The following SIAH1 variants were observed in gnomAD, a reference collection of about 807,000 sequenced individuals.
SIAH1 encodes siah E3 ubiquitin protein ligase 1, also known as E3 ubiquitin-protein ligase SIAH1.
SIAH1 carries 2 observed loss-of-function variants against 20.0 expected under a neutral mutation model. That is an observed-to-expected ratio of 0.10 (90% CI 0.04 to 0.31). The LOEUF (loss-of-function observed/expected upper bound fraction) is 0.31. Among genes scored for constraint, SIAH1 ranks in the 10% least tolerant of loss-of-function variants. The probability of loss-of-function intolerance (pLI) is 1.00; values close to 1 mark genes in which losing one functional copy is unlikely to be tolerated. For missense variants in SIAH1, 119 were observed against 355.3 expected, an observed-to-expected ratio of 0.33 and a Z score of 5.35; for synonymous variants, 118 against 125.3, an observed-to-expected ratio of 0.94 and a Z score of 0.39.
chr16:48,368,152 T>A (rs1597024359), intron 1 of SIAH1, among the ~76,000 whole-genome samples: 2 of 152,178 alleles, frequency 1.3e-5, no homozygotes, highest in South Asian at 4.2e-4. Flanking sequence ...TGGAAAAAAA[T>A]CATAATATAT....
At chr16:48,369,186 CAATAA>C (rs1485574855) in intron 1 of SIAH1, among the ~76,000 whole-genome samples, 1 of 152,132 alleles carries the variant, frequency 6.6e-6, no homozygotes, top group East Asian at 1.9e-4. Flanking sequence ...TGTAGCAAAG[CAATAA>C]AATGATTTCT....
intron 1 of SIAH1, among the ~76,000 whole-genome samples, chr16:48,366,916 C>CT (rs1198884397): frequency 4.6e-5 from 7 of 151,732 alleles, no homozygotes; most frequent in South Asian, 2.1e-4. Context: ...ACTTTTTTTC[C>CT]TTTTTTTTGA....
At chr16:48,384,208 G>A (rs1346339912) in intron 1 of SIAH1, among the ~76,000 whole-genome samples, 1 of 152,148 alleles carries the variant, frequency 6.6e-6, no homozygotes, top group Non-Finnish European at 1.5e-5. Flanking sequence ...GCTAGGAAGG[G>A]ACAGTCAGAA....
chr16:48,365,725 C>T (rs565923024), intron 1 of SIAH1: 3 of 1,419,752 alleles, frequency 2.1e-6, no homozygotes, highest in South Asian at 3.2e-5. Flanking sequence ...CACAGCTGCG[C>T]TGTCCTCCAA....
intron 1 of SIAH1, among the ~76,000 whole-genome samples, chr16:48,384,924 C>T (rs1354569063): frequency 6.9e-6 from 1 of 145,478 alleles, no homozygotes; most frequent in Non-Finnish European, 1.5e-5. Context: ...CCGCCCTCGG[C>T]CCGGCCGCGC....
At chr16:48,368,555 G>A (rs1256648195) in intron 1 of SIAH1, among the ~76,000 whole-genome samples, 3 of 152,062 alleles carry the variant, frequency 2.0e-5, no homozygotes, top group Admixed American at 6.6e-5. Context: ...AAAATTAGCC[G>A]GGCATGGTGG....
chr16:48,381,242 G>C (rs56142601), intron 1 of SIAH1, among the ~76,000 whole-genome samples: 5 of 152,156 alleles, frequency 3.3e-5, no homozygotes, highest in Admixed American at 3.3e-4. Context: ...CTACTCAGGA[G>C]ACTGAGGCAC....
intron 1 of SIAH1, among the ~76,000 whole-genome samples, chr16:48,383,606 T>A (rs1961355177): frequency 6.6e-6 from 1 of 152,230 alleles, no homozygotes; most frequent in South Asian, 2.1e-4. Flanking sequence ...AACTGATCAA[T>A]AAATCTAAAC....
rs549341789 is a variant in SIAH1 at position 48,382,959 on chromosome 16, T to C, written c.-3+2245A>G. Reference sequence around the variant, plus strand: ...GTCATTACTGACATAGCTAGATAATTCCTTCATAACTCCAATTTAACCTAA... The same window carrying C: ...GTCATTACTGACATAGCTAGATAATCCCTTCATAACTCCAATTTAACCTAA... On this transcript the variant is annotated intron_variant, in intron 1 of 1. Coordinates refer to ENST00000394725, the MANE Select transcript of SIAH1 (RefSeq NM_003031.4). 1.2e-4 allele frequency among the ~76,000 whole-genome samples: 19 copies of C among 152,350 alleles called. No individual in the cohort carries two copies. The East Asian group carries it at 1.7e-3, about 14-fold the overall frequency.
chr16:48,363,672 G>A (rs1960705048), intron 1 of SIAH1: 1 of 167,164 alleles, frequency 6.0e-6, no homozygotes, highest in Non-Finnish European at 1.5e-5. Flanking sequence ...GAGTCAACAG[G>A]TGAAGAACCC....
At chr16:48,374,591 A>G (rs1360138047) in intron 1 of SIAH1, among the ~76,000 whole-genome samples, 1 of 152,196 alleles carries the variant, frequency 6.6e-6, no homozygotes, top group Non-Finnish European at 1.5e-5. Context: ...AGGTAAAGAA[A>G]CTACTGAAGA....
intron 1 of SIAH1, among the ~76,000 whole-genome samples, chr16:48,377,621 C>T (rs1459533651): frequency 1.3e-5 from 2 of 152,074 alleles, no homozygotes; most frequent in African/African-American, 4.8e-5. Context: ...TCTTGAACTC[C>T]TGACCTCAAG....
At chr16:48,378,743 C>T (rs1286934132) in intron 1 of SIAH1, among the ~76,000 whole-genome samples, 1 of 152,190 alleles carries the variant, frequency 6.6e-6, no homozygotes, top group African/African-American at 2.4e-5. Flanking sequence ...GTTCTTCAAC[C>T]TGTCTCTCTC....
intron 1 of SIAH1, among the ~76,000 whole-genome samples, chr16:48,372,219 G>T (rs1208596074): frequency 6.6e-6 from 1 of 152,104 alleles, no homozygotes; most frequent in Admixed American, 6.5e-5. Flanking sequence ...GAATTTATAG[G>T]AAAGAAATGC....
chr16:48,363,609 G>C (rs1362852187), intron 1 of SIAH1: 1 of 167,048 alleles, frequency 6.0e-6, no homozygotes, highest in East Asian at 1.9e-4. Flanking sequence ...AAAAAGGAAA[G>C]AATAAAGATG....
At chr16:48,372,075 T>A (rs562796099) in intron 1 of SIAH1, among the ~76,000 whole-genome samples, 219 of 152,198 alleles carry the variant, frequency 1.4e-3, no homozygotes, top group African/African-American at 5.0e-3. Flanking sequence ...ATATTTGGGA[T>A]ACTAAACTAA....
intron 1 of SIAH1, among the ~76,000 whole-genome samples, chr16:48,384,284 A>T (rs531024154): frequency 2.0e-5 from 3 of 152,262 alleles, no homozygotes; most frequent in South Asian, 4.1e-4. Context: ...TTGGCAAAAG[A>T]AGTACACACA....
intron 1 of SIAH1, among the ~76,000 whole-genome samples, chr16:48,367,610 G>C (rs539642275): frequency 6.6e-6 from 1 of 152,170 alleles, no homozygotes; most frequent in Admixed American, 6.5e-5. Context: ...GCTGAGACCT[G>C]ATTTAATTGC....
At position 48,361,331 on chromosome 16, in the gene SIAH1, A is replaced by G. The variant is rs1960584752; in HGVS notation, c.*249T>C. The G allele has an allele frequency of 7.4e-6, 3 of 405,324 alleles. No individual in the cohort carries two copies. The highest frequency in any genetic ancestry group is 1.3e-5 in the Non-Finnish European group (3 of 223,160). The allele number at this position is 405,324 out of a possible 1,614,324, so 25.1% of individuals were successfully genotyped here. A position where few individuals can be genotyped will look rare whatever the true frequency, so the allele number is the denominator to read the frequency against. ...TTATTTTACAATGCTTCCTTTCTTA[A>G]TACAAAAGATGCCCATCTTGGGTGT... On this transcript the variant is annotated 3_prime_UTR_variant, in exon 2 of 2. Coordinates refer to ENST00000394725, the MANE Select transcript of SIAH1 (RefSeq NM_003031.4).
Sources: gnomAD v4.1 joint callset for allele counts (sites outside exome capture counted in the v4.1 genomes callset) on GRCh38, gnomAD v4.1.1 for gene constraint, MANE v1.5 for transcripts, NCBI Gene and HGNC (gene_info 2026-07-23, HGNC 2026-07-21) for gene names.